SLC2A14: variants seen among roughly 807,000 people sequenced by gnomAD.
SLC2A14 encodes solute carrier family 2, facilitated glucose transporter member 14.
A neutral mutation model predicts 43.0 loss-of-function variants in SLC2A14; 13 were observed. The ratio of observed to expected loss-of-function variants is 0.30; its 90% CI spans 0.20 to 0.48. SLC2A14 has a LOEUF of 0.48. SLC2A14 is among the 20% of genes least tolerant of loss of function. The pLI, the probability that SLC2A14 is intolerant of heterozygous loss-of-function variation, is 0.99. For missense variants in SLC2A14, 428 were observed against 620.4 expected, an observed-to-expected ratio of 0.69 and a Z score of 3.29; for synonymous variants, 190 against 233.8, an observed-to-expected ratio of 0.81 and a Z score of 1.71.
At position 7,813,738 on chromosome 12, in the gene SLC2A14, T is replaced by G. The variant is rs1343982949; in HGVS notation, c.*578A>C. On this transcript the variant is annotated 3_prime_UTR_variant, in exon 11 of 11. Transcript: ENST00000431042. Reference sequence around the variant, plus strand: ...ATCAAATCTTTTACTCTATAACCTCTCTTTAAACACCTCCCTCTAATCTCA... The same window carrying G: ...ATCAAATCTTTTACTCTATAACCTCGCTTTAAACACCTCCCTCTAATCTCA... The G allele has an allele frequency of 6.3e-6, 1 of 158,336 alleles. No homozygotes were observed. The highest frequency in any genetic ancestry group is 2.4e-5 in the African/African-American group (1 of 41,548). The allele number at this position is 158,336 out of a possible 1,614,324, so 9.8% of individuals were successfully genotyped here. A position where few individuals can be genotyped will look rare whatever the true frequency, so the allele number is the denominator to read the frequency against.
chr12:7,854,127 T>C (rs774610075), intron 2 of SLC2A14, among the ~76,000 whole-genome samples: 4 of 152,146 alleles, frequency 2.6e-5, no homozygotes, highest in Non-Finnish European at 5.9e-5. Context: ...GCCTGTCTTA[T>C]TTGTATCTGG....
intron 1 of SLC2A14, among the ~76,000 whole-genome samples, chr12:7,884,433 TG>T (rs1189089975): frequency 6.6e-6 from 1 of 152,070 alleles, no homozygotes; most frequent in African/African-American, 2.4e-5. Flanking sequence ...AGTGCCGTAG[TG>T]GGGGGATGGG....
intron 2 of SLC2A14, among the ~76,000 whole-genome samples, chr12:7,864,432 G>A (rs751645016): frequency 5.3e-5 from 8 of 152,120 alleles, no homozygotes; most frequent in South Asian, 2.1e-4. Flanking sequence ...TCCGCCTCCC[G>A]GATTGAAGCC....
intron 1 of SLC2A14, among the ~76,000 whole-genome samples, chr12:7,880,282 A>T (rs964143304): frequency 1.3e-5 from 2 of 152,002 alleles, no homozygotes; most frequent in African/African-American, 2.4e-5. Context: ...CCTGGGCAAC[A>T]AGAGCAAAAC....
chr12:7,855,199 C>T (rs1312024892), intron 2 of SLC2A14, among the ~76,000 whole-genome samples: 3 of 152,168 alleles, frequency 2.0e-5, no homozygotes, highest in Non-Finnish European at 4.4e-5. Flanking sequence ...GATTCCCACT[C>T]TGGACATTAG....
chr12:7,873,307 G>GGGCC, upstream of SLC2A14: 6 of 985,556 alleles, frequency 6.1e-6, no homozygotes, highest in Non-Finnish European at 7.2e-6. Flanking sequence ...CCCCGCGGGC[G>GGGCC]GGCCGGCTGG....
At chr12:7,832,864 T>C (rs17728008) in intron 2 of SLC2A14, 50 bp from the exon 3 acceptor site, 434,678 of 1,556,166 alleles carry the variant, frequency 0.28, 64,958 homozygotes, top group Middle Eastern at 0.31. Context: ...AAACTTGTAA[T>C]TGATGACTGT....
upstream of SLC2A14, among the ~76,000 whole-genome samples, chr12:7,877,782 A>G (rs1945488037): frequency 6.6e-6 from 1 of 151,812 alleles, no homozygotes; most frequent in African/African-American, 2.4e-5. Flanking sequence ...TTAGAGATGA[A>G]GTCTCACTTA....
In SLC2A14 at chr12:7,859,359, C is replaced by T. The variant is rs748829171; in HGVS notation, c.18+10504G>A. ...GAGCCAAGATGGTGCCACTGCACTC[C>T]AACCTGGGTGACAGAGCAAGACTCC... On this transcript the variant is annotated intron_variant, in intron 2 of 10. Transcript: ENST00000431042. Among the ~76,000 whole-genome samples the T allele has an allele frequency of 1.5e-3, 222 of 151,926 alleles. 1 individual carries two copies. Among genetic ancestry groups the T allele is most frequent in the African/African-American group, 5.2e-3 (217 of 41,436 alleles).
chr12:7,874,799 A>ATGT (rs200733431), upstream of SLC2A14, among the ~76,000 whole-genome samples: 9 of 100,316 alleles, frequency 9.0e-5, 1 homozygote, highest in Non-Finnish European at 1.6e-4. Context: ...ATATATAAAT[A>ATGT]ATATATAAAT....
chr12:7,882,341 G>C (rs976917935), intron 1 of SLC2A14, among the ~76,000 whole-genome samples: 5 of 151,914 alleles, frequency 3.3e-5, no homozygotes, highest in African/African-American at 1.2e-4. Flanking sequence ...AAGGAAAAAA[G>C]TCCAAACACA....
chr12:7,888,243 C>G (rs1221438659), intron 1 of SLC2A14, among the ~76,000 whole-genome samples: 1 of 152,046 alleles, frequency 6.6e-6, no homozygotes, highest in Non-Finnish European at 1.5e-5. Context: ...TGTGAACCTA[C>G]CCTTTTGGCA....
At chr12:7,887,307 G>A (rs143068016) in intron 1 of SLC2A14, among the ~76,000 whole-genome samples, 1 of 151,454 alleles carries the variant, frequency 6.6e-6, no homozygotes, top group African/African-American at 2.4e-5. Context: ...ATGGTAGGCT[G>A]TCATGAAAAA....
chr12:7,827,409 G>A lies in SLC2A14; in HGVS notation c.864+86C>T. ...TCCTGCCTCAGCCTCCTGAGTAGCT[G>A]GGACTACAGAGGCACACCGCCACCA... On this transcript the variant is annotated intron_variant, in intron 7 of 10. Coordinates refer to ENST00000431042, the MANE Select transcript of SLC2A14 (RefSeq NM_001286234.2). 2.7e-6 allele frequency: 4 copies of A among 1,506,762 alleles called. No individual in the cohort carries two copies. In the South Asian group the frequency reaches 5.3e-5, roughly 20 times the overall value. 93.3% of individuals were successfully genotyped at this position (1,506,762 alleles called of 1,614,324 possible). A position where few individuals can be genotyped will look rare whatever the true frequency, so the allele number is the denominator to read the frequency against.
At chr12:7,849,501 C>T (rs1866745042) in intron 2 of SLC2A14, among the ~76,000 whole-genome samples, 1 of 151,946 alleles carries the variant, frequency 6.6e-6, no homozygotes, top group Non-Finnish European at 1.5e-5. Context: ...AAGACTGTTA[C>T]ACACATAAGT....
Position 7,812,703 on chromosome 12 carries a change from T to C in SLC2A14, c.*1613A>G, listed in dbSNP as rs1168349580. 1.3e-5 allele frequency: 2 copies of C among 152,064 alleles called. No homozygotes were observed. Among genetic ancestry groups the C allele is most frequent in the Non-Finnish European group, 2.9e-5 (2 of 68,010 alleles). 9.4% of individuals were successfully genotyped at this position (152,064 alleles called of 1,614,324 possible). On this transcript the variant is annotated 3_prime_UTR_variant, in exon 11 of 11. Coordinates refer to ENST00000431042, the MANE Select transcript of SLC2A14 (RefSeq NM_001286234.2). ...ACCTTTCCAGCTAAACCCCACTCCA[T>C]AGCTACGTGCATTTTTATTCAAAGG...
chr12:7,859,662 C>T (rs1177474849), intron 2 of SLC2A14, among the ~76,000 whole-genome samples: 1 of 152,028 alleles, frequency 6.6e-6, no homozygotes, highest in Non-Finnish European at 1.5e-5. Context: ...ATGAATCAGG[C>T]TTCTAAATTT....
At position 7,831,619 on chromosome 12, in the gene SLC2A14, A is replaced by G; in HGVS notation, c.257T>C (p.Val86Ala). 1 of 1,614,192 alleles carries G rather than the reference A, an allele frequency of 6.2e-7. No homozygotes were observed. Among genetic ancestry groups the G allele is most frequent in the Non-Finnish European group, 8.5e-7 (1 of 1,180,046 alleles). The change falls in exon 4 of 11, where the codon GTT becomes GCT. Residue 86 changes from valine to alanine, a missense_variant. This residue lies in a region of SLC2A14 where 122 missense variants were observed against 128.8 expected (regional missense o/e 0.95). Transcript: ENST00000431042. ...MIGSFSVGLF[V>A]NRFGRRNSML... ...TAGTCAATACCTGCCAAAGCGGTTA[A>G]CAAAGAGTCCGACGGAAAAGGAGCC...
chr12:7,870,801 G>C, intron 1 of SLC2A14: 1 of 1,058,022 alleles, frequency 9.5e-7, no homozygotes, highest in Non-Finnish European at 1.2e-6. Flanking sequence ...AAGTAGTATG[G>C]TCAGCCCAGC....
Sources: gnomAD v4.1 joint callset for allele counts (sites outside exome capture counted in the v4.1 genomes callset) on GRCh38, gnomAD v4.1.1 for gene constraint, gnomAD v4.1.1 regional missense constraint, MANE v1.5 for transcripts, NCBI Gene and HGNC (gene_info 2026-07-23, HGNC 2026-07-21) for gene names.